Variants in HIRA observed in about 807,000 individuals in gnomAD.
HIRA encodes the protein protein HIRA.
In HIRA, 13 loss-of-function variants were observed where a neutral mutation model predicts 126.6. The ratio of observed to expected loss-of-function variants is 0.10; its 90% CI spans 0.07 to 0.16. The LOEUF (loss-of-function observed/expected upper bound fraction) is 0.16. Ranked by LOEUF, HIRA falls within the 10% of genes least tolerant of loss-of-function variation. HIRA has a pLI of 1.00. For missense variants in HIRA, 834 were observed against 1,314.4 expected (o/e 0.63, Z 5.65); for synonymous variants, 511 against 520.0 (o/e 0.98, Z 0.24).
chr22:19,355,631 C>T, intron 21 of HIRA, 129 bp downstream of exon 21: 1 of 653,976 alleles, frequency 1.5e-6, no homozygotes, highest in Non-Finnish European at 2.8e-6. Context: ...TCAATGCAGC[C>T]TGCACTCCAG....
intron 1 of HIRA, among the ~76,000 whole-genome samples, chr22:19,422,487 T>A (rs2089456541): frequency 6.6e-6 from 1 of 152,030 alleles, no homozygotes; most frequent in Non-Finnish European, 1.5e-5. Context: ...ATCACAGTAG[T>A]CCTCTGCTCC....
At position 19,353,424 on chromosome 22, in the gene HIRA, A is replaced by C; in HGVS notation, c.2780T>G (p.Leu927Arg). Residue 927 changes from leucine to arginine, a missense_variant, in exon 23 of 25, where the codon CTC becomes CGC. This residue lies in a region of HIRA where 468 missense variants were observed against 574.2 expected (regional missense o/e 0.82). Coordinates refer to ENST00000263208, the MANE Select transcript of HIRA (RefSeq NM_003325.4). The part of the protein sequence containing the change: ...AYLENQVAAA[L>R]TLQSSHEYRH... ...GTACTCGTGGCTGGACTGCAGGGTG[A>C]GTGCTGCTGCCACCTGGTTCTCTAG... is the stretch of plus-strand genomic sequence containing the variant. 1 of 1,613,034 alleles carries C rather than the reference A, an allele frequency of 6.2e-7. No homozygotes were observed. The highest frequency in any genetic ancestry group is 1.1e-5 in the South Asian group (1 of 90,954).
intron 1 of HIRA, among the ~76,000 whole-genome samples, chr22:19,423,846 T>C (rs2089468627): frequency 1.3e-5 from 2 of 152,208 alleles, no homozygotes; most frequent in Admixed American, 1.3e-4. Context: ...ATCCACTTCC[T>C]TTCCTAAAAT....
intron 13 of HIRA, among the ~76,000 whole-genome samples, chr22:19,379,096 C>A (rs549654460): frequency 4.6e-5 from 7 of 151,440 alleles, no homozygotes; most frequent in South Asian, 2.1e-4. Context: ...GGCGCGATCT[C>A]GCCTCACTGC....
rs575774241 is a variant in HIRA, at chr22:19,388,316, C to T, written c.1007+168G>A. On this transcript the variant is annotated intron_variant, in intron 10 of 24. Transcript: ENST00000263208. Reference sequence around the variant, plus strand: ...GACATTCTCGCAGCAGCAGGTACACCGCTGCCAGTTCCCAAATCACGTGCA... The same window carrying T: ...GACATTCTCGCAGCAGCAGGTACACTGCTGCCAGTTCCCAAATCACGTGCA... Among the ~76,000 whole-genome samples, 239 of 152,318 alleles carry T rather than the reference C, an allele frequency of 1.6e-3. 1 individual carries two copies. Among genetic ancestry groups the T allele is most frequent in the African/African-American group, 5.7e-3 (235 of 41,564 alleles).
chr22:19,331,397 G>C lies in HIRA; in HGVS notation c.*43C>G. On this transcript the variant is annotated 3_prime_UTR_variant, in exon 25 of 25. Coordinates refer to ENST00000263208, the MANE Select transcript of HIRA (RefSeq NM_003325.4). ...GTCCTGCATGTCATCAGCGGCGAGA[G>C]TGTGGCCCTGCCCTTGCTGCAGCCA... is the stretch of plus-strand genomic sequence containing the variant. 6.2e-7 allele frequency: 1 copy of C among 1,612,614 alleles called. No homozygotes were observed. The highest frequency in any genetic ancestry group is 8.5e-7 in the Non-Finnish European group (1 of 1,179,872).
chr22:19,394,400 C>T lies in HIRA; in HGVS notation c.764G>A (p.Arg255Gln). The change falls in exon 8 of 25, where the codon CGG becomes CAG. Residue 255 changes from arginine (R) to glutamine (Q), a missense_variant. Arg to Gln is a conservative substitution (Grantham distance 43, BLOSUM62 1). This residue lies in a region of HIRA where 53 missense variants were observed against 163.7 expected (regional missense o/e 0.32). Transcript: ENST00000263208. Reference sequence around the variant, plus strand: ...GTCCATGTTGGTCTTCCATCCCTCCCGTTCGATGATCTGGGCAGTGGGGCC... The same window carrying T: ...GTCCATGTTGGTCTTCCATCCCTCCTGTTCGATGATCTGGGCAGTGGGGCC... ...NSGPTAQIIEREGWKTNMDFV... is the reference protein window; with the variant it reads ...NSGPTAQIIEQEGWKTNMDFV... 1 of 1,614,170 alleles carries T rather than the reference C, an allele frequency of 6.2e-7. No individual in the cohort carries two copies. The highest frequency in any genetic ancestry group is 1.1e-5 in the South Asian group (1 of 91,080).
At chr22:19,337,651 A>ACT (rs2088581277) in intron 24 of HIRA, among the ~76,000 whole-genome samples, 2 of 152,332 alleles carry the variant, frequency 1.3e-5, no homozygotes, top group Admixed American at 1.3e-4. Context: ...AAATACAAGA[A>ACT]GCTCAAAGAA....
At chr22:19,346,252 C>T (rs564542708) in intron 24 of HIRA, among the ~76,000 whole-genome samples, 25 of 152,364 alleles carry the variant, frequency 1.6e-4, no homozygotes, top group African/African-American at 3.8e-4. Context: ...CACGGTGGCT[C>T]ACGCCTGTAA....
At chr22:19,401,595 CT>C (rs1168809913) in intron 5 of HIRA, among the ~76,000 whole-genome samples, 1 of 152,238 alleles carries the variant, frequency 6.6e-6, no homozygotes, top group African/African-American at 2.4e-5. Flanking sequence ...ACAAACATTT[CT>C]GTCCCACCTG....
At chr22:19,394,178 T>C (rs566810135) in intron 8 of HIRA, among the ~76,000 whole-genome samples, 164 bp downstream of exon 8, 9 of 152,246 alleles carry the variant, frequency 5.9e-5, no homozygotes, top group Admixed American at 2.0e-4. Flanking sequence ...AAGACTGATT[T>C]TGGTGATGTT....
In HIRA at chr22:19,392,112, G is replaced by C. The variant is rs1569305092; in HGVS notation, c.925C>G (p.Leu309Val). 2 of 1,584,286 alleles carry C rather than the reference G, an allele frequency of 1.3e-6. No individual in the cohort carries two copies. Among genetic ancestry groups the C allele is most frequent in the African/African-American group, 1.3e-5 (1 of 74,532 alleles). ...GATAGCAGGCTCACCCAGACAGAAA[G>C]CGAGCGGTCCTTGCTGCCAACAGCA... ...CCAVGSKDRS[L>V]SVWLTCLKRP... The change falls in exon 9 of 25, where the codon CTT (leucine) becomes GTT (valine). Residue 309 changes from leucine to valine, a missense_variant. Around this residue, in one of 5 missense-constraint regions of HIRA, gnomAD observed 153 missense variants for 270.6 expected, o/e 0.57. Coordinates refer to ENST00000263208, the MANE Select transcript of HIRA (RefSeq NM_003325.4).
At chr22:19,422,498 C>A (rs2089456695) in intron 1 of HIRA, among the ~76,000 whole-genome samples, 1 of 152,100 alleles carries the variant, frequency 6.6e-6, no homozygotes, top group African/African-American at 2.4e-5. Context: ...CCTCTGCTCC[C>A]CTTGCAGTGA....
intron 1 of HIRA, among the ~76,000 whole-genome samples, chr22:19,413,600 T>C (rs1231131424): frequency 4.2e-5 from 5 of 120,350 alleles, no homozygotes; most frequent in Non-Finnish European, 9.0e-5. Flanking sequence ...TGAAACTATT[T>C]ATTTATTTAT....
intron 24 of HIRA, chr22:19,350,990 G>A (rs2088751087): frequency 3.7e-6 from 1 of 268,246 alleles, no homozygotes; most frequent in Admixed American, 6.5e-5. Flanking sequence ...AATCTAGTCT[G>A]AAAATATTTT....
intron 17 of HIRA, 58 bp downstream of exon 17, chr22:19,361,179 G>A (rs1399356845): frequency 7.9e-7 from 1 of 1,271,892 alleles, no homozygotes; most frequent in African/African-American, 1.5e-5. Flanking sequence ...GTATGCAGTA[G>A]GGGACAGAGA....
chr22:19,343,885 A>AG (rs1569289141), intron 24 of HIRA, among the ~76,000 whole-genome samples: 7 of 73,764 alleles, frequency 9.5e-5, no homozygotes, highest in Non-Finnish European at 2.3e-4. Context: ...GAAAAAAAAA[A>AG]AAGAGAGAGA....
intron 12 of HIRA, among the ~76,000 whole-genome samples, chr22:19,385,107 G>A (rs1204032794): frequency 6.6e-6 from 1 of 152,114 alleles, no homozygotes; most frequent in Admixed American, 6.5e-5. Flanking sequence ...ATACTCCCCA[G>A]GCAATAACGT....
In HIRA at chr22:19,361,845, G is replaced by A. The variant is rs368498330; in HGVS notation, c.1862C>T (p.Ala621Val). 4 of 1,614,044 alleles carry A rather than the reference G, an allele frequency of 2.5e-6. No individual in the cohort carries two copies. The highest frequency in any genetic ancestry group is 2.7e-5 in the African/African-American group (2 of 74,930). The change falls in exon 16 of 25, where the codon GCT becomes GTT. Residue 621 changes from alanine to valine, a missense_variant. This residue lies in a region of HIRA where 468 missense variants were observed against 574.2 expected (regional missense o/e 0.82). Coordinates refer to ENST00000263208, the MANE Select transcript of HIRA (RefSeq NM_003325.4). ...SSDSDEKVPL[A>V]KASSLSKRKL... The stretch of plus-strand genomic sequence containing the variant: ...TCGCTTGGACAGTGAGGAAGCCTTA[G>A]CCAAAGGGACTTTCTCATCGCTGTC...
Sources: gnomAD v4.1 joint callset for allele counts (sites outside exome capture counted in the v4.1 genomes callset) on GRCh38, gnomAD v4.1.1 for gene constraint, gnomAD v4.1.1 regional missense constraint, MANE v1.5 for transcripts, NCBI Gene and HGNC (gene_info 2026-07-23, HGNC 2026-07-21) for gene names.